Variants in TEX14 observed in about 807,000 individuals in gnomAD.
TEX14 encodes inactive serine/threonine-protein kinase TEX14.
TEX14 carries 168 observed loss-of-function variants against 178.6 expected under a neutral mutation model. The observed-to-expected ratio is 0.94, with a 90% CI of 0.83 to 1.07. The LOEUF (loss-of-function observed/expected upper bound fraction) is 1.07. Ranked by LOEUF, TEX14 falls within the 50% of genes least tolerant of loss-of-function variation. TEX14 has a pLI of 0.00. For missense variants in TEX14, 1,730 were observed against 1,753.6 expected, an observed-to-expected ratio of 0.99 and a Z score of 0.24; for synonymous variants, 626 against 634.1, an observed-to-expected ratio of 0.99 and a Z score of 0.19.
chr17:58,629,720 A>G (rs2046236674), intron 3 of TEX14, among the ~76,000 whole-genome samples: 1 of 151,186 alleles, frequency 6.6e-6, no homozygotes, highest in Non-Finnish European at 1.5e-5. Flanking sequence ...CTGTAGTCCC[A>G]GCTCCTCAGG....
At chr17:58,581,411 T>G (rs775531696) in intron 19 of TEX14, among the ~76,000 whole-genome samples, 6 of 151,972 alleles carry the variant, frequency 3.9e-5, no homozygotes, top group Non-Finnish European at 7.4e-5. Context: ...CTTCCCATCC[T>G]CAAAAATAAA....
At chr17:58,563,621 T>TTATATATATATATATA (rs3034889) in intron 28 of TEX14, among the ~76,000 whole-genome samples, 5 of 46,472 alleles carry the variant, frequency 1.1e-4, no homozygotes, top group Non-Finnish European at 1.5e-4. Flanking sequence ...CATCTCTAAT[T>TTATATATATATATATA]TATATATATA....
intron 16 of TEX14, 79 bp downstream of exon 16, chr17:58,587,817 C>A: frequency 7.7e-7 from 1 of 1,294,196 alleles, no homozygotes; most frequent in Non-Finnish European, 1.1e-6. Context: ...TGCACTGACC[C>A]CTTTGCACCA....
chr17:58,585,960 G>GC lies in TEX14; in HGVS notation c.2910dup (p.Pro971AlafsTer4). The GC allele has an allele frequency of 6.2e-7, 1 of 1,614,096 alleles. No individual in the cohort carries two copies. The highest frequency in any genetic ancestry group is 1.3e-5 in the African/African-American group (1 of 74,998). ...GTGTTTTCTGGGCTCCTAATGGGGG[G>GC]CTGCAGCAGGGCGTCGGGCTCATTT... On this transcript the variant is annotated frameshift_variant, in exon 18 of 32. Coordinates refer to ENST00000349033, the MANE Select transcript of TEX14 (RefSeq NM_031272.5). LOFTEE classifies it high-confidence loss of function.
intron 2 of TEX14, chr17:58,631,842 CCA>C (rs1167112070): frequency 1.3e-5 from 2 of 152,166 alleles, no homozygotes; most frequent in Non-Finnish European, 2.9e-5. Flanking sequence ...GTCTTAATGT[CCA>C]TTTATGTGCC....
intron 1 of TEX14, among the ~76,000 whole-genome samples, chr17:58,687,629 G>A (rs34835800): frequency 0.17 from 26,012 of 151,732 alleles, 2,358 homozygotes; most frequent in Non-Finnish European, 0.19. Context: ...CACTGCACCC[G>A]GCCGTGGTCA....
intron 2 of TEX14, among the ~76,000 whole-genome samples, chr17:58,645,311 T>C (rs1302678469): frequency 1.3e-5 from 2 of 151,698 alleles, no homozygotes; most frequent in Non-Finnish European, 2.9e-5. Flanking sequence ...ACAACAAAAT[T>C]ATAAAATTAT....
intron 12 of TEX14, 70 bp downstream of exon 12, chr17:58,602,330 C>T: frequency 7.0e-7 from 1 of 1,436,530 alleles, no homozygotes. Context: ...CTAGCTTCAT[C>T]TTGTCTCTAA....
At chr17:58,604,374 G>A (rs920478862) in intron 11 of TEX14, among the ~76,000 whole-genome samples, 2 of 151,088 alleles carry the variant, frequency 1.3e-5, no homozygotes, top group African/African-American at 4.9e-5. Flanking sequence ...GGGAGGCTGA[G>A]GCAGAAGAAT....
chr17:58,614,405 G>A (rs1313525298), intron 8 of TEX14, among the ~76,000 whole-genome samples: 2 of 152,212 alleles, frequency 1.3e-5, no homozygotes, highest in South Asian at 2.1e-4. Context: ...CCTGGGAATC[G>A]CTTGAGCCCA....
chr17:58,561,038 C>T (rs919151799), intron 29 of TEX14, among the ~76,000 whole-genome samples: 2 of 152,180 alleles, frequency 1.3e-5, no homozygotes, highest in African/African-American at 4.8e-5. Context: ...TTATAGTGAG[C>T]AGAAGCTTCT....
chr17:58,620,731 G>C (rs973480360), intron 5 of TEX14, among the ~76,000 whole-genome samples: 10 of 152,100 alleles, frequency 6.6e-5, no homozygotes, highest in African/African-American at 2.4e-4. Flanking sequence ...CTGACCTCAG[G>C]TGATCCACCC....
At chr17:58,639,371 G>A (rs537037840) in intron 2 of TEX14, among the ~76,000 whole-genome samples, 1 of 152,000 alleles carries the variant, frequency 6.6e-6, no homozygotes, top group African/African-American at 2.4e-5. Context: ...GTTGGGTGAT[G>A]GGTGTACCAA....
chr17:58,646,326 C>T (rs1184098264), intron 2 of TEX14, among the ~76,000 whole-genome samples: 1 of 152,094 alleles, frequency 6.6e-6, no homozygotes, highest in Non-Finnish European at 1.5e-5. Context: ...AACCAAAATC[C>T]TTCCAATAGC....
At chr17:58,584,751 A>G (rs1346863455) in intron 18 of TEX14, 151 bp from the exon 19 acceptor site, 2 of 650,538 alleles carry the variant, frequency 3.1e-6, no homozygotes, top group Non-Finnish European at 5.4e-6. Flanking sequence ...GAGAGTAGAG[A>G]CTGTTAGTTT....
chr17:58,602,257 T>C (rs1315462464), intron 12 of TEX14, 143 bp downstream of exon 12: 1 of 825,982 alleles, frequency 1.2e-6, no homozygotes, highest in African/African-American at 1.7e-5. Context: ...GTTAGGCTAT[T>C]ATCAAGAACA....
At chr17:58,687,225 G>A (rs1027626442) in intron 1 of TEX14, among the ~76,000 whole-genome samples, 3 of 151,976 alleles carry the variant, frequency 2.0e-5, no homozygotes, top group African/African-American at 4.8e-5. Context: ...TAGAGAATGC[G>A]GTCTTGCAAG....
chr17:58,629,704 A>C (rs566566944), intron 3 of TEX14, among the ~76,000 whole-genome samples: 1 of 150,394 alleles, frequency 6.6e-6, no homozygotes, highest in Non-Finnish European at 1.5e-5. Flanking sequence ...GCGTGGTGGC[A>C]GGTGCCTGTA....
Position 58,602,394 on chromosome 17 carries a change from G to A in TEX14, c.1527+6C>T, listed in dbSNP as rs2045474398. The A allele has an allele frequency of 6.2e-7, 1 of 1,604,080 alleles. No homozygotes were observed. Among genetic ancestry groups the A allele is most frequent in the Non-Finnish European group, 8.5e-7 (1 of 1,173,422 alleles). On this transcript the variant is annotated splice_donor_region_variant and intron_variant, in intron 12 of 31. Coordinates refer to ENST00000349033, the MANE Select transcript of TEX14 (RefSeq NM_031272.5). ...GAAATAAACTCCCAACAACTTCAGG[G>A]CTTGCCTTTAAGTCATTCTTCAGAA...
Sources: gnomAD v4.1 joint callset for allele counts (sites outside exome capture counted in the v4.1 genomes callset) on GRCh38, gnomAD v4.1.1 for gene constraint, MANE v1.5 for transcripts, NCBI Gene and HGNC (gene_info 2026-07-23, HGNC 2026-07-21) for gene names.